The following PRKAR1A variants were observed in gnomAD, a reference collection of about 807,000 sequenced individuals.
PRKAR1A encodes the protein protein kinase cAMP-dependent type I regulatory subunit alpha.
Under a neutral mutation model 52.0 loss-of-function variants are expected in PRKAR1A, and 3 were observed. The ratio of observed to expected loss-of-function variants is 0.06; its 90% CI spans 0.03 to 0.15. PRKAR1A has a LOEUF of 0.15. PRKAR1A is among the 10% of genes least tolerant of loss of function. PRKAR1A has a pLI of 1.00. For missense variants in PRKAR1A, 240 were observed against 477.4 expected, an observed-to-expected ratio of 0.50 and a Z score of 4.63; for synonymous variants, 188 against 168.4, an observed-to-expected ratio of 1.12 and a Z score of -0.90.
At chr17:68,525,068 A>G (rs1183104603) in intron 6 of PRKAR1A, 110 bp downstream of exon 6, 4 of 858,598 alleles carry the variant, frequency 4.7e-6, no homozygotes, top group Non-Finnish European at 7.7e-6. Flanking sequence ...CTTGTATGTC[A>G]GATTTTATTA....
chr17:68,494,117 T>C, the PRKAR1A span, among the ~76,000 whole-genome samples: 4 of 152,370 alleles, frequency 2.6e-5, no homozygotes, highest in South Asian at 8.3e-4. Flanking sequence ...AAAAATGCCA[T>C]TTACTGGCTC....
chr17:68,435,349 T>A, the PRKAR1A span, among the ~76,000 whole-genome samples: 1 of 152,254 alleles, frequency 6.6e-6, no homozygotes. Context: ...TCTCTACGGC[T>A]GATGTACACG....
chr17:68,441,863 A>G, the PRKAR1A span, among the ~76,000 whole-genome samples: 1 of 152,348 alleles, frequency 6.6e-6, no homozygotes, highest in Admixed American at 6.5e-5. Flanking sequence ...ATATCTCCAA[A>G]GAACATCAGA....
the PRKAR1A span, chr17:68,444,702 G>T: frequency 2.7e-6 from 2 of 749,450 alleles, no homozygotes; most frequent in Non-Finnish European, 2.1e-6. Context: ...GCCTAAAGCA[G>T]AATTTTGATG....
the PRKAR1A span, among the ~76,000 whole-genome samples, chr17:68,486,553 CTTTCTTTCTTTCTT>C: frequency 1.6e-5 from 2 of 126,698 alleles, no homozygotes; most frequent in African/African-American, 6.1e-5. Flanking sequence ...TTCTTTCTTT[CTTTCTTTCTTTCTT>C]TCTTCTTTCC....
chr17:68,487,952 A>G, the PRKAR1A span, among the ~76,000 whole-genome samples: 1 of 152,288 alleles, frequency 6.6e-6, no homozygotes, highest in African/African-American at 2.4e-5. Flanking sequence ...AATAAAAAAA[A>G]TGCACTCATG....
At chr17:68,455,589 A>G in the PRKAR1A span, among the ~76,000 whole-genome samples, 1 of 152,178 alleles carries the variant, frequency 6.6e-6, no homozygotes, top group Admixed American at 6.5e-5. Flanking sequence ...CTGTGGCTCA[A>G]AGCAACTGAC....
the PRKAR1A span, among the ~76,000 whole-genome samples, chr17:68,467,512 C>G: frequency 2.0e-5 from 3 of 152,162 alleles, no homozygotes; most frequent in Admixed American, 1.3e-4. Context: ...GAGATGCCTG[C>G]AAACTGCAAA....
chr17:68,538,408 C>G (rs1344909935), downstream of PRKAR1A, among the ~76,000 whole-genome samples: 2 of 152,246 alleles, frequency 1.3e-5, no homozygotes, highest in African/African-American at 4.8e-5. Flanking sequence ...AATACTCATG[C>G]TCTACTCCGA....
chr17:68,510,933 A>G (rs1479850757), upstream of PRKAR1A, among the ~76,000 whole-genome samples: 5 of 152,228 alleles, frequency 3.3e-5, no homozygotes, highest in East Asian at 9.6e-4. Context: ...GCTGCCCAAT[A>G]GGAATATAAT....
chr17:68,451,021 C>A, the PRKAR1A span: 6 of 1,340,608 alleles, frequency 4.5e-6, no homozygotes, highest in Non-Finnish European at 5.0e-6. Context: ...GCCGGCCAGG[C>A]GCCCTCTCTG....
At chr17:68,517,817 C>G (rs56278628) in intron 2 of PRKAR1A, among the ~76,000 whole-genome samples, 46,800 of 151,974 alleles carry the variant, frequency 0.31, 7,529 homozygotes, top group East Asian at 0.56. Flanking sequence ...CTCAAAAGTT[C>G]AAGTCCAAAG....
chr17:68,483,475 C>T, the PRKAR1A span, among the ~76,000 whole-genome samples: 16 of 151,914 alleles, frequency 1.1e-4, no homozygotes, highest in East Asian at 1.9e-4. Flanking sequence ...AGCAAGACTC[C>T]GTCTTAAAAC....
chr17:68,522,455 C>G (rs182509107), intron 2 of PRKAR1A, among the ~76,000 whole-genome samples: 2 of 152,164 alleles, frequency 1.3e-5, no homozygotes, highest in South Asian at 2.1e-4. Flanking sequence ...TAATTGTTGT[C>G]AAGACATTAA....
At chr17:68,458,781 A>AT in the PRKAR1A span, among the ~76,000 whole-genome samples, 12 of 152,244 alleles carry the variant, frequency 7.9e-5, no homozygotes, top group African/African-American at 2.6e-4. Flanking sequence ...TTTTTAATTC[A>AT]TTTTTTCAAA....
At chr17:68,486,500 TC>T in the PRKAR1A span, among the ~76,000 whole-genome samples, 339 of 43,942 alleles carry the variant, frequency 7.7e-3, 1 homozygote, top group African/African-American at 0.022. Flanking sequence ...CTTCCTTCCT[TC>T]CTTCCTTCTT....
the PRKAR1A span, chr17:68,444,658 T>C: frequency 7.8e-7 from 1 of 1,279,580 alleles, no homozygotes; most frequent in South Asian, 1.3e-5. Flanking sequence ...ATCCAAATCA[T>C]TCATCTTTCA....
the PRKAR1A span, among the ~76,000 whole-genome samples, chr17:68,478,118 G>A: frequency 6.6e-6 from 1 of 152,132 alleles, no homozygotes; most frequent in African/African-American, 2.4e-5. Context: ...GTTTTCACAT[G>A]TTCTTTGATA....
At chr17:68,439,980 C>T in the PRKAR1A span, among the ~76,000 whole-genome samples, 1 of 152,224 alleles carries the variant, frequency 6.6e-6, no homozygotes, top group Admixed American at 6.5e-5. Context: ...TATGTTAAAA[C>T]ATAAATATTC....
Sources: allele counts gnomAD v4.1 joint callset (sites outside exome capture counted in the v4.1 genomes callset), GRCh38; gene constraint gnomAD v4.1.1; transcripts MANE v1.5; gene names NCBI Gene and HGNC (gene_info 2026-07-23, HGNC 2026-07-21).